The following PCDH15 variants were observed in gnomAD, a reference collection of about 807,000 sequenced individuals.
The protein encoded by PCDH15 is protocadherin related 15.
Under a neutral mutation model 178.5 loss-of-function variants are expected in PCDH15, and 129 were observed. That is an observed-to-expected ratio of 0.72 (90% CI 0.63 to 0.84). The LOEUF (loss-of-function observed/expected upper bound fraction) is 0.84. Ranked by LOEUF, PCDH15 falls within the 40% of genes least tolerant of loss-of-function variation. The pLI is 0.00. For missense variants in PCDH15, 2,230 were observed against 2,099.9 expected, an observed-to-expected ratio of 1.06 and a Z score of -1.21; for synonymous variants, 800 against 732.0, an observed-to-expected ratio of 1.09 and a Z score of -1.50.
chr10:55,230,476 A>G (rs184094994), intron 1 of PCDH15, among the ~76,000 whole-genome samples: 3 of 152,238 alleles, frequency 2.0e-5, no homozygotes, highest in Admixed American at 2.0e-4. Context: ...TCACATATTT[A>G]TTCATGTGTT....
At chr10:53,970,206 AATCCT>A (rs1482034305) in intron 21 of PCDH15, among the ~76,000 whole-genome samples, 1 of 152,200 alleles carries the variant, frequency 6.6e-6, no homozygotes, top group Admixed American at 6.5e-5. Context: ...CAGGGGTTGC[AATCCT>A]AGTCTCTGAT....
intron 26 of PCDH15, among the ~76,000 whole-genome samples, chr10:53,900,229 CTCT>C (rs1187452551): frequency 1.1e-3 from 161 of 148,568 alleles, no homozygotes; most frequent in East Asian, 8.6e-3. Flanking sequence ...CTCTCTCTCT[CTCT>C]CCCCCCCTCT....
rs570306950 is a variant in PCDH15 at position 55,428,552 on chromosome 10, CTCTATA to C, written c.-156+199067_-156+199072del. Among the ~76,000 whole-genome samples, 50 of 151,720 alleles carry C rather than the reference CTCTATA, an allele frequency of 3.3e-4. No individual in the cohort carries two copies. The South Asian group carries it at 8.1e-3, about 25-fold the overall frequency. ...ATACATATGTATATATAAATTCTTT[CTCTATA>C]TCTATAATTATCTATCTATCTATCT... On this transcript the variant is annotated intron_variant, in intron 2 of 5. Transcript: ENST00000613346.
intron 2 of PCDH15, among the ~76,000 whole-genome samples, chr10:55,451,131 C>G (rs1839426553): frequency 1.3e-5 from 2 of 151,928 alleles, no homozygotes; most frequent in South Asian, 4.2e-4. Flanking sequence ...TTTTCTGAAC[C>G]TAGAGCCCAT....
At chr10:54,945,324 G>GGATAGATA (rs71883309) in intron 2 of PCDH15, among the ~76,000 whole-genome samples, 5 of 140,162 alleles carry the variant, frequency 3.6e-5, no homozygotes, top group African/African-American at 2.5e-5. Context: ...ATGGATGTAT[G>GGATAGATA]GATAGATAGA....
At chr10:55,220,935 T>A (rs547552292) in intron 1 of PCDH15, among the ~76,000 whole-genome samples, 1 of 152,076 alleles carries the variant, frequency 6.6e-6, no homozygotes, top group Non-Finnish European at 1.5e-5. Flanking sequence ...TTGTAAATTA[T>A]AAAATAAATT....
At chr10:54,930,016 G>A (rs1345624224) in intron 2 of PCDH15, among the ~76,000 whole-genome samples, 2 of 152,148 alleles carry the variant, frequency 1.3e-5, no homozygotes, top group Admixed American at 6.6e-5. Flanking sequence ...CTGTAAAATT[G>A]AGCTGCAGAC....
intron 2 of PCDH15, among the ~76,000 whole-genome samples, chr10:55,579,603 T>G (rs1210553251): frequency 6.6e-6 from 1 of 152,188 alleles, no homozygotes; most frequent in African/African-American, 2.4e-5. Context: ...TTAGGTATTA[T>G]GGAAGGAAGC....
At chr10:55,619,909 C>T (rs1179219214) in intron 2 of PCDH15, among the ~76,000 whole-genome samples, 1 of 152,094 alleles carries the variant, frequency 6.6e-6, no homozygotes, top group East Asian at 1.9e-4. Flanking sequence ...TAAATTTTTG[C>T]CTAGCACAGT....
At chr10:53,973,405 C>T (rs557404459) in intron 21 of PCDH15, among the ~76,000 whole-genome samples, 3 of 151,730 alleles carry the variant, frequency 2.0e-5, no homozygotes, top group South Asian at 2.1e-4. Context: ...CAAACCTGCA[C>T]GTTGTGCACA....
chr10:54,690,789 CTATTA>C (rs2095107077), intron 1 of PCDH15, among the ~76,000 whole-genome samples: 1 of 151,920 alleles, frequency 6.6e-6, no homozygotes, highest in Admixed American at 6.6e-5. Flanking sequence ...TTAAAATCAC[CTATTA>C]TATTTGAAAC....
chr10:53,924,468 C>T (rs984570926), intron 25 of PCDH15, among the ~76,000 whole-genome samples: 2 of 152,172 alleles, frequency 1.3e-5, no homozygotes, highest in South Asian at 2.1e-4. Flanking sequence ...GTCCCCCCGC[C>T]GTGGGCTCCT....
chr10:54,141,200 T>G (rs11498095), intron 14 of PCDH15, among the ~76,000 whole-genome samples: 2,347 of 151,820 alleles, frequency 0.015, 74 homozygotes, highest in African/African-American at 0.054. Flanking sequence ...GTTTTCTATG[T>G]ATTTCCAACA....
chr10:54,516,578 G>A (rs1470765502), intron 3 of PCDH15, among the ~76,000 whole-genome samples: 1 of 152,158 alleles, frequency 6.6e-6, no homozygotes, highest in Admixed American at 6.5e-5. Flanking sequence ...CCAAATCTAC[G>A]TCTGACTGGT....
chr10:55,040,487 A>AAACAAC (rs1461507109), intron 2 of PCDH15, among the ~76,000 whole-genome samples: 6 of 127,642 alleles, frequency 4.7e-5, no homozygotes, highest in African/African-American at 1.4e-4. Flanking sequence ...AAAAAAACCA[A>AAACAAC]AACAACTACA....
chr10:55,065,766 C>T lies in PCDH15; in HGVS notation c.-80+100810G>A, dbSNP rs116070109. 3.4e-3 allele frequency among the ~76,000 whole-genome samples: 518 copies of T among 152,094 alleles called. 4 individuals carry two copies. Among genetic ancestry groups the T allele is most frequent in the African/African-American group, 0.012 (487 of 41,528 alleles). On this transcript the variant is annotated intron_variant, in intron 2 of 5. Coordinates refer to the PCDH15 transcript ENST00000458638. ...ATAGTTAGACCAGTTTATTTATAGT[C>T]TATGCTGTTTGTTTAGTTTTCTACA...
intron 2 of PCDH15, among the ~76,000 whole-genome samples, chr10:55,102,752 A>G (rs1478184755): frequency 6.6e-6 from 1 of 152,108 alleles, no homozygotes; most frequent in Non-Finnish European, 1.5e-5. Context: ...ATAACTATTA[A>G]TAGCTTATTA....
chr10:55,572,598 C>T (rs567694115), intron 2 of PCDH15, among the ~76,000 whole-genome samples: 3 of 151,882 alleles, frequency 2.0e-5, no homozygotes, highest in African/African-American at 4.8e-5. Flanking sequence ...AAACAATAAA[C>T]GAGGAAACAA....
At chr10:54,313,676 C>T (rs542383578) in intron 8 of PCDH15, among the ~76,000 whole-genome samples, 1 of 138,168 alleles carries the variant, frequency 7.2e-6, no homozygotes, top group Non-Finnish European at 1.7e-5. Flanking sequence ...ATATTCAACA[C>T]ATGCAACCAG....
Sources: gnomAD v4.1 joint callset for allele counts (sites outside exome capture counted in the v4.1 genomes callset) on GRCh38, gnomAD v4.1.1 for gene constraint, MANE v1.5 for transcripts, NCBI Gene and HGNC (gene_info 2026-07-23, HGNC 2026-07-21) for gene names.